The following NALF1 variants were observed in gnomAD, a reference collection of about 807,000 sequenced individuals.
NALF1 encodes NALCN channel auxiliary factor 1, also known as family with sequence similarity 155 member A.
NALF1 carries 3 observed loss-of-function variants against 48.4 expected under a neutral mutation model. The observed-to-expected ratio is 0.06, with a 90% CI of 0.03 to 0.16. The LOEUF (loss-of-function observed/expected upper bound fraction) is 0.16. NALF1 is among the 10% of genes least tolerant of loss of function. The pLI is 1.00. For synonymous variants in NALF1, 262 were observed against 245.7 expected (o/e 1.07, Z -0.62); for missense variants, 526 against 571.5 (o/e 0.92, Z 0.81).
intron 1 of NALF1, among the ~76,000 whole-genome samples, chr13:107,843,740 T>C (rs1406130574): frequency 6.6e-6 from 1 of 152,020 alleles, no homozygotes; most frequent in Non-Finnish European, 1.5e-5. Flanking sequence ...GAGGCCAGAA[T>C]GACCAAAAAT....
At chr13:107,464,270 C>G (rs564159138) in intron 1 of NALF1, among the ~76,000 whole-genome samples, 1 of 151,566 alleles carries the variant, frequency 6.6e-6, no homozygotes, top group Non-Finnish European at 1.5e-5. Flanking sequence ...GCAACAAACA[C>G]TCAATAAAAG....
At chr13:107,722,300 C>T (rs958621012) in intron 1 of NALF1, among the ~76,000 whole-genome samples, 2 of 152,144 alleles carry the variant, frequency 1.3e-5, no homozygotes, top group African/African-American at 4.8e-5. Flanking sequence ...ATCCTTTTCA[C>T]ATGTGTTAAC....
chr13:107,864,996 G>A (rs1215276584), intron 1 of NALF1, among the ~76,000 whole-genome samples: 2 of 152,156 alleles, frequency 1.3e-5, no homozygotes, highest in African/African-American at 2.4e-5. Flanking sequence ...CTGATAAATA[G>A]CCTATTGCTA....
At chr13:107,192,653 T>C (rs1312490429) in intron 2 of NALF1, among the ~76,000 whole-genome samples, 2 of 134,254 alleles carry the variant, frequency 1.5e-5, no homozygotes, top group African/African-American at 4.9e-5. Context: ...ACCATATCTA[T>C]TACTGAAGTT....
At chr13:107,598,072 C>T (rs1878807205) in intron 1 of NALF1, among the ~76,000 whole-genome samples, 1 of 152,106 alleles carries the variant, frequency 6.6e-6, no homozygotes. Context: ...CTCTATAAGA[C>T]TTAGGGATAT....
At chr13:107,407,861 A>G (rs1883925922) in intron 1 of NALF1, among the ~76,000 whole-genome samples, 2 of 152,146 alleles carry the variant, frequency 1.3e-5, no homozygotes, top group African/African-American at 4.8e-5. Context: ...GTGTCCATCA[A>G]CAGACAAATG....
intron 1 of NALF1, among the ~76,000 whole-genome samples, chr13:107,826,451 A>G (rs1215401042): frequency 2.0e-5 from 3 of 152,188 alleles, no homozygotes; most frequent in African/African-American, 7.2e-5. Flanking sequence ...AACAGAAGAG[A>G]GGGGCATGAA....
At chr13:107,397,217 C>G (rs1883727916) in intron 1 of NALF1, among the ~76,000 whole-genome samples, 2 of 152,158 alleles carry the variant, frequency 1.3e-5, no homozygotes, top group African/African-American at 4.8e-5. Context: ...TCTTGCTCAT[C>G]CTCTGCAGCA....
intron 1 of NALF1, among the ~76,000 whole-genome samples, chr13:107,679,866 C>T (rs1485918426): frequency 1.3e-5 from 2 of 152,246 alleles, no homozygotes; most frequent in African/African-American, 2.4e-5. Flanking sequence ...AGCCTCAAAG[C>T]TCTGCACCTG....
At chr13:107,795,351 C>A (rs1177514664) in intron 1 of NALF1, among the ~76,000 whole-genome samples, 2 of 152,038 alleles carry the variant, frequency 1.3e-5, no homozygotes, top group Non-Finnish European at 2.9e-5. Context: ...TTTACAAAGC[C>A]TCATCATTCA....
At chr13:107,457,566 A>G (rs537023181) in intron 1 of NALF1, among the ~76,000 whole-genome samples, 5 of 152,248 alleles carry the variant, frequency 3.3e-5, no homozygotes, top group Admixed American at 6.5e-5. Context: ...GATGATGCTT[A>G]AGGTTTCATT....
intron 1 of NALF1, among the ~76,000 whole-genome samples, chr13:107,273,682 T>C (rs1353313383): frequency 6.6e-6 from 1 of 152,168 alleles, no homozygotes; most frequent in African/African-American, 2.4e-5. Context: ...AGGAGAAGAA[T>C]GATGAAAGGC....
At chr13:107,230,737 G>A (rs1229550243) in intron 1 of NALF1, among the ~76,000 whole-genome samples, 1 of 152,028 alleles carries the variant, frequency 6.6e-6, no homozygotes, top group East Asian at 1.9e-4. Context: ...TAACACGAAC[G>A]ACTGGGGACA....
intron 1 of NALF1, among the ~76,000 whole-genome samples, chr13:107,663,171 T>C (rs1216004689): frequency 6.6e-6 from 1 of 152,186 alleles, no homozygotes; most frequent in Admixed American, 6.6e-5. Flanking sequence ...GCAAATGAAA[T>C]GTACTAAGAT....
chr13:107,353,384 A>G (rs187118411), intron 1 of NALF1, among the ~76,000 whole-genome samples: 182 of 152,298 alleles, frequency 1.2e-3, no homozygotes, highest in African/African-American at 4.3e-3. Context: ...ATTTTGGGGA[A>G]AACAAGCATT....
chr13:107,650,536 G>C (rs111510588), intron 1 of NALF1, among the ~76,000 whole-genome samples: 98 of 152,080 alleles, frequency 6.4e-4, no homozygotes, highest in African/African-American at 2.2e-3. Flanking sequence ...AAGTTAGGAG[G>C]ACACAAAGGC....
chr13:107,720,965 G>A (rs1241474949), intron 1 of NALF1, among the ~76,000 whole-genome samples: 1 of 152,056 alleles, frequency 6.6e-6, no homozygotes, highest in Non-Finnish European at 1.5e-5. Flanking sequence ...AAACATTATT[G>A]CTAAATCCAT....
rs566470865 is a variant in NALF1 at position 107,596,633 on chromosome 13, G to C, written c.915+269049C>G. 6.6e-5 allele frequency among the ~76,000 whole-genome samples: 10 copies of C among 152,164 alleles called. No homozygotes were observed. The East Asian group carries it at 1.9e-3, about 30-fold the overall frequency. ...GGGAGTTGAACAACGAGAACACATG[G>C]ATACAGGGAGAGGAACATCACACAC... On this transcript the variant is annotated intron_variant, in intron 1 of 2. Transcript: ENST00000375915.
At chr13:107,401,210 A>T (rs563648550) in intron 1 of NALF1, among the ~76,000 whole-genome samples, 6 of 152,190 alleles carry the variant, frequency 3.9e-5, no homozygotes, top group Non-Finnish European at 7.4e-5. Flanking sequence ...CCTTTGTCTA[A>T]TGTGTTCTCA....
Sources: gnomAD v4.1 joint callset for allele counts (sites outside exome capture counted in the v4.1 genomes callset) on GRCh38, gnomAD v4.1.1 for gene constraint, MANE v1.5 for transcripts, NCBI Gene and HGNC (gene_info 2026-07-23, HGNC 2026-07-21) for gene names.